Variants in ZC3H12B observed in about 807,000 individuals in gnomAD.
The protein encoded by ZC3H12B is probable ribonuclease ZC3H12B.
Under a neutral mutation model 43.9 loss-of-function variants are expected in ZC3H12B, and 7 were observed. That is an observed-to-expected ratio of 0.16 (90% CI 0.09 to 0.30). ZC3H12B has a LOEUF of 0.30. ZC3H12B is among the 10% of genes least tolerant of loss of function. The probability of loss-of-function intolerance (pLI) is 1.00; values close to 1 mark genes in which losing one functional copy is unlikely to be tolerated. For synonymous variants in ZC3H12B, 222 were observed against 241.7 expected (o/e 0.92, Z 0.76); for missense variants, 475 against 670.2 (o/e 0.71, Z 3.22).
At chrX:65,245,549 G>T in the ZC3H12B span, among the ~76,000 whole-genome samples, 6 of 112,069 alleles carry the variant, frequency 5.4e-5, no homozygotes, top group Non-Finnish European at 9.4e-5. Context: ...ATGCAAATCA[G>T]TAAGTTTGGT....
At chrX:65,368,198 T>C (rs1057439905) in intron 1 of ZC3H12B, among the ~76,000 whole-genome samples, 1 of 112,145 alleles carries the variant, frequency 8.9e-6, no homozygotes, top group East Asian at 2.8e-4. Flanking sequence ...TTTTTTTGTT[T>C]GTATGTTTCT....
the ZC3H12B span, among the ~76,000 whole-genome samples, chrX:65,145,336 C>A: frequency 2.7e-5 from 3 of 109,782 alleles, no homozygotes; most frequent in Admixed American, 2.9e-4. Context: ...TTTTCCACCC[C>A]TTTACCTTAA....
chrX:65,076,095 T>C, the ZC3H12B span, among the ~76,000 whole-genome samples: 2 of 111,845 alleles, frequency 1.8e-5, no homozygotes, highest in African/African-American at 6.5e-5. Flanking sequence ...TTCTGCCATC[T>C]TCCTGACATC....
At chrX:65,392,734 G>A (rs1322347345) in intron 2 of ZC3H12B, among the ~76,000 whole-genome samples, 11 of 113,265 alleles carry the variant, frequency 9.7e-5, no homozygotes, top group Admixed American at 5.5e-4. Context: ...CCACCACCCC[G>A]TCTGGGAGGT....
intron 3 of ZC3H12B, among the ~76,000 whole-genome samples, chrX:65,446,930 T>G (rs761997739): frequency 8.0e-5 from 9 of 112,161 alleles, no homozygotes; most frequent in African/African-American, 2.9e-4. Context: ...TTCAGCCATT[T>G]TACTCTGTCT....
chrX:65,059,107 C>T, the ZC3H12B span, among the ~76,000 whole-genome samples: 1 of 111,126 alleles, frequency 9.0e-6, no homozygotes, highest in African/African-American at 3.3e-5. Flanking sequence ...TGACAAGCCC[C>T]AGTGAGATGA....
chrX:65,328,415 C>G, the ZC3H12B span: 6 of 248,833 alleles, frequency 2.4e-5, no homozygotes, highest in African/African-American at 1.5e-4. Flanking sequence ...GATAAAAGAG[C>G]TGTTTTTGCT....
At chrX:65,109,448 C>T in the ZC3H12B span, among the ~76,000 whole-genome samples, 1 of 111,807 alleles carries the variant, frequency 8.9e-6, no homozygotes, top group South Asian at 3.7e-4. Context: ...GTAATCATAA[C>T]ATTTGTGGTC....
the ZC3H12B span, among the ~76,000 whole-genome samples, chrX:65,244,153 A>G: frequency 9.0e-6 from 1 of 111,575 alleles, no homozygotes; most frequent in African/African-American, 3.3e-5. Context: ...GAAATGATAT[A>G]TGTTTAAGAT....
chrX:65,463,370 C>T (rs781210130), intron 3 of ZC3H12B, among the ~76,000 whole-genome samples: 9 of 112,063 alleles, frequency 8.0e-5, no homozygotes, highest in Admixed American at 9.5e-5. Context: ...ATTCTACCCA[C>T]CCATGAGCAT....
chrX:65,109,169 T>C, the ZC3H12B span, among the ~76,000 whole-genome samples: 4 of 111,767 alleles, frequency 3.6e-5, no homozygotes, highest in Non-Finnish European at 7.5e-5. Flanking sequence ...GCCTTCATCA[T>C]TTTATTTTAC....
chrX:65,179,627 T>C, the ZC3H12B span, among the ~76,000 whole-genome samples: 2 of 107,300 alleles, frequency 1.9e-5, no homozygotes, highest in Admixed American at 1.0e-4. Flanking sequence ...GGGAGAAGAG[T>C]GAAATGGACA....
the ZC3H12B span, among the ~76,000 whole-genome samples, chrX:65,207,615 C>T: frequency 1.3e-4 from 14 of 108,633 alleles, no homozygotes; most frequent in South Asian, 4.1e-4. Flanking sequence ...TAGTGTGATG[C>T]CTCCAGCTTT....
the ZC3H12B span, among the ~76,000 whole-genome samples, chrX:65,064,100 C>T: frequency 2.7e-5 from 3 of 111,771 alleles, no homozygotes; most frequent in Admixed American, 9.5e-5. Context: ...TTTCAAAAAA[C>T]CAGCTTCTGG....
At chrX:65,478,680 A>T (rs1030400972) in intron 3 of ZC3H12B, among the ~76,000 whole-genome samples, 1 of 112,444 alleles carries the variant, frequency 8.9e-6, no homozygotes, top group East Asian at 2.8e-4. Context: ...CTTTGCATGC[A>T]TACTGTGGCA....
At chrX:65,364,645 A>G (rs1222409712), upstream of ZC3H12B, among the ~76,000 whole-genome samples, 2 of 111,023 alleles carry the variant, frequency 1.8e-5, no homozygotes, top group East Asian at 5.7e-4. Context: ...CCAGCCTCAC[A>G]GGCCCATTCT....
At chrX:65,167,333 G>GGGCAGTACGGCTGTTT in the ZC3H12B span, among the ~76,000 whole-genome samples, 1 of 111,659 alleles carries the variant, frequency 9.0e-6, no homozygotes, top group African/African-American at 3.3e-5. Flanking sequence ...TGTCAGGTTT[G>GGGCAGTACGGCTGTTT]TCAAAGATCA....
chrX:65,152,599 G>A, the ZC3H12B span, among the ~76,000 whole-genome samples: 1 of 111,290 alleles, frequency 9.0e-6, no homozygotes, highest in Admixed American at 9.6e-5. Context: ...ACAAACAAAT[G>A]GAAGAACATT....
At chrX:65,086,981 C>A in the ZC3H12B span, among the ~76,000 whole-genome samples, 1 of 110,194 alleles carries the variant, frequency 9.1e-6, no homozygotes, top group African/African-American at 3.3e-5. Context: ...CATGCCAGAG[C>A]ACCCTGAGCA....
Sources: gnomAD v4.1 joint callset for allele counts (sites outside exome capture counted in the v4.1 genomes callset) on GRCh38, gnomAD v4.1.1 for gene constraint, MANE v1.5 for transcripts, NCBI Gene and HGNC (gene_info 2026-07-23, HGNC 2026-07-21) for gene names.